Variants in TIMM9 observed in about 807,000 individuals in gnomAD.
The protein encoded by TIMM9 is translocase of inner mitochondrial membrane 9.
TIMM9 carries 10 observed loss-of-function variants against 13.4 expected under a neutral mutation model. The observed-to-expected ratio is 0.75, with a 90% confidence interval of 0.46 to 1.26. TIMM9 has a LOEUF of 1.26. Among genes scored for constraint, TIMM9 ranks in the 50% most tolerant of loss-of-function variants. The pLI, the probability that TIMM9 is intolerant of heterozygous loss-of-function variation, is 0.00. For synonymous variants in TIMM9, 32 were observed against 32.1 expected (o/e 1.00, Z 0.01); for missense variants, 87 against 100.8 (o/e 0.86, Z 0.58).
intron 3 of TIMM9, among the ~76,000 whole-genome samples, chr14:58,415,697 C>G (rs978955865): frequency 6.6e-6 from 1 of 151,968 alleles, no homozygotes; most frequent in Non-Finnish European, 1.5e-5. Context: ...TAACAGAGTA[C>G]AAAGGACTTG....
intron 2 of TIMM9, among the ~76,000 whole-genome samples, chr14:58,424,500 GA>G (rs2140345362): frequency 6.6e-6 from 1 of 152,216 alleles, no homozygotes; most frequent in Non-Finnish European, 1.5e-5. Context: ...ACCTATTTAA[GA>G]CCTATAAAAT....
chr14:58,413,756 C>G (rs1445725356), intron 3 of TIMM9, among the ~76,000 whole-genome samples: 2 of 151,764 alleles, frequency 1.3e-5, no homozygotes, highest in East Asian at 3.9e-4. Context: ...GCCTGTAATC[C>G]CAGCACTTTG....
chr14:58,426,899 C>T (rs1270924341), intron 2 of TIMM9, among the ~76,000 whole-genome samples, 155 bp downstream of exon 2: 1 of 152,174 alleles, frequency 6.6e-6, no homozygotes, highest in Non-Finnish European at 1.5e-5. Context: ...AAGGTCTGCA[C>T]CCGACCCGGC....
Position 58,408,676 on chromosome 14 carries a change from G to C in TIMM9, c.*358C>G, listed in dbSNP as rs1435999844. 4 of 1,307,094 alleles carry C rather than the reference G, an allele frequency of 3.1e-6. No homozygotes were observed. Among genetic ancestry groups the C allele is most frequent in the Non-Finnish European group, 4.2e-6 (4 of 952,262 alleles). 81.0% of individuals were successfully genotyped at this position (1,307,094 alleles called of 1,614,324 possible). Reference sequence around the variant, plus strand: ...GTGATATTTCCATTTATTTTACTTTGAGTAATAAAAATTTTTCTATCTCAT... The same window carrying C: ...GTGATATTTCCATTTATTTTACTTTCAGTAATAAAAATTTTTCTATCTCAT... On this transcript the variant is annotated 3_prime_UTR_variant, in exon 6 of 6. Transcript: ENST00000395159.
chr14:58,417,498 T>TAA (rs71107944), intron 3 of TIMM9, among the ~76,000 whole-genome samples: 1,835 of 56,646 alleles, frequency 0.032, 108 homozygotes, highest in Non-Finnish European at 0.039. Context: ...AAGACCCTGT[T>TAA]AAAAAAAAAA....
rs547773867 is a variant in TIMM9 at position 58,411,043 on chromosome 14, C to T, written c.40-105G>A. On this transcript the variant is annotated intron_variant, in intron 4 of 5. Transcript: ENST00000395159. ...TATTTAGACAAAATATACTATAACA[C>T]TTGAAATCATAGTTATTATGCTAAC... 10 of 743,828 alleles carry T rather than the reference C, an allele frequency of 1.3e-5. No homozygotes were observed. The African/African-American group carries it at 1.6e-4, about 12-fold the overall frequency. 46.1% of individuals were successfully genotyped at this position (743,828 alleles called of 1,614,324 possible).
chr14:58,426,918 G>C (rs1029121865), intron 2 of TIMM9, 136 bp downstream of exon 2: 2 of 152,788 alleles, frequency 1.3e-5, no homozygotes, highest in African/African-American at 4.8e-5. Flanking sequence ...GCGAAGCGCT[G>C]TCCCGCTTCG....
intron 2 of TIMM9, among the ~76,000 whole-genome samples, chr14:58,425,283 T>C (rs1362147407): frequency 6.7e-6 from 1 of 149,856 alleles, no homozygotes; most frequent in East Asian, 2.0e-4. Context: ...GAGTGGCGGG[T>C]GCCTATAATC....
chr14:58,416,391 GT>G (rs2036409657), intron 3 of TIMM9, among the ~76,000 whole-genome samples: 1 of 152,156 alleles, frequency 6.6e-6, no homozygotes, highest in Non-Finnish European at 1.5e-5. Flanking sequence ...GGCACAAAAT[GT>G]TTCAAGTGCT....
Position 58,408,700 on chromosome 14 carries a change from A to G in TIMM9, c.*334T>C. ...TGAGTAATAAAAATTTTTCTATCTC[A>G]TACATGATCGAACACATAAGTTGCT... On this transcript the variant is annotated 3_prime_UTR_variant, in exon 6 of 6. Coordinates refer to ENST00000395159, the MANE Select transcript of TIMM9 (RefSeq NM_012460.4). The G allele has an allele frequency of 2.0e-6, 2 of 984,882 alleles. No homozygotes were observed. The highest frequency in any genetic ancestry group is 4.4e-4 in the Middle Eastern group (2 of 4,552). 61.0% of individuals were successfully genotyped at this position (984,882 alleles called of 1,614,324 possible).
intron 5 of TIMM9, 31 bp downstream of exon 5, chr14:58,410,812 G>A: frequency 6.7e-7 from 1 of 1,496,698 alleles, no homozygotes; most frequent in East Asian, 2.3e-5. Context: ...ATGAAGGCTT[G>A]TAGAATTTTA....
At chr14:58,424,994 T>C (rs945795484) in intron 2 of TIMM9, among the ~76,000 whole-genome samples, 1 of 152,152 alleles carries the variant, frequency 6.6e-6, no homozygotes, top group Non-Finnish European at 1.5e-5. Flanking sequence ...AAGTTTGATA[T>C]GGCTCTAATC....
intron 2 of TIMM9, among the ~76,000 whole-genome samples, 162 bp downstream of exon 2, chr14:58,426,892 G>A (rs1244171126): frequency 6.6e-6 from 1 of 152,136 alleles, no homozygotes; most frequent in Non-Finnish European, 1.5e-5. Context: ...CTCCAGGAAG[G>A]TCTGCACCCG....
intron 3 of TIMM9, among the ~76,000 whole-genome samples, chr14:58,416,221 C>T (rs189103435): frequency 3.1e-4 from 47 of 151,858 alleles, no homozygotes; most frequent in African/African-American, 1.1e-3. Flanking sequence ...GAGTGAGACT[C>T]TGTAGCAAAT....
intron 3 of TIMM9, among the ~76,000 whole-genome samples, chr14:58,418,494 T>G (rs1464153859): frequency 6.6e-6 from 1 of 152,084 alleles, no homozygotes; most frequent in Non-Finnish European, 1.5e-5. Flanking sequence ...ACATAAAGAT[T>G]GTAAAAGAAA....
In TIMM9 at chr14:58,409,257, T is replaced by G. The variant is rs149161683; in HGVS notation, c.136-89A>C. On this transcript the variant is annotated intron_variant, in intron 5 of 5. Transcript: ENST00000395159. ...ATTCTAAAAGAATCAGTGGGGTAGT[T>G]TGCTTTTCTTTGAATATATCTGAGA... The G allele has an allele frequency of 5.5e-5, 80 of 1,447,668 alleles. No individual in the cohort carries two copies. The East Asian group carries it at 1.7e-3, about 32-fold the overall frequency. 89.7% of individuals were successfully genotyped at this position (1,447,668 alleles called of 1,614,324 possible). A position where few individuals can be genotyped will look rare whatever the true frequency, so the allele number is the denominator to read the frequency against.
intron 3 of TIMM9, 103 bp from the exon 4 acceptor site, chr14:58,412,074 T>A: frequency 1.3e-6 from 1 of 773,230 alleles, no homozygotes; most frequent in Non-Finnish European, 2.1e-6. Flanking sequence ...AATCTGTGTA[T>A]GTAATTGTAT....
Position 58,427,407 on chromosome 14 carries a change from T to C in TIMM9, c.-319A>G, listed in dbSNP as rs1566760506. The C allele has an allele frequency of 3.5e-6, 2 of 568,892 alleles. No individual in the cohort carries two copies. The highest frequency in any genetic ancestry group is 3.0e-5 in the East Asian group (1 of 33,346). 35.2% of individuals were successfully genotyped at this position (568,892 alleles called of 1,614,324 possible). A position where few individuals can be genotyped will look rare whatever the true frequency, so the allele number is the denominator to read the frequency against. On this transcript the variant is annotated 5_prime_UTR_variant, in exon 1 of 6. Coordinates refer to ENST00000395159, the MANE Select transcript of TIMM9 (RefSeq NM_012460.4). Reference sequence around the variant, plus strand: ...CCTAATTTACCTAATCCCACGTCCCTAACGGTCTTCGGAAGCGAAGCAGTG... The same window carrying C: ...CCTAATTTACCTAATCCCACGTCCCCAACGGTCTTCGGAAGCGAAGCAGTG...
At position 58,408,716 on chromosome 14, in the gene TIMM9, A is replaced by C. The variant is rs1595003765; in HGVS notation, c.*318T>G. 3 of 848,504 alleles carry C rather than the reference A, an allele frequency of 3.5e-6. No homozygotes were observed. In the East Asian group the frequency reaches 8.6e-5, roughly 24 times the overall value. The allele number at this position is 848,504 out of a possible 1,614,324, so 52.6% of individuals were successfully genotyped here. A position where few individuals can be genotyped will look rare whatever the true frequency, so the allele number is the denominator to read the frequency against. On this transcript the variant is annotated 3_prime_UTR_variant, in exon 6 of 6. Coordinates refer to ENST00000395159, the MANE Select transcript of TIMM9 (RefSeq NM_012460.4). ...TTCTATCTCATACATGATCGAACACATAAGTTGCTTTAAAATTAACAGTCA... is the reference window on the plus strand; with the variant it reads ...TTCTATCTCATACATGATCGAACACCTAAGTTGCTTTAAAATTAACAGTCA...
Sources: allele counts gnomAD v4.1 joint callset (sites outside exome capture counted in the v4.1 genomes callset), GRCh38; gene constraint gnomAD v4.1.1; transcripts MANE v1.5; gene names NCBI Gene and HGNC (gene_info 2026-07-23, HGNC 2026-07-21).